Variants in FRMD1 observed in about 807,000 individuals in gnomAD.
FRMD1 encodes FERM domain-containing protein 1.
A neutral mutation model predicts 54.9 loss-of-function variants in FRMD1; 51 were observed. That is an observed-to-expected ratio of 0.93 (90% confidence interval 0.74 to 1.17). FRMD1 has a LOEUF of 1.17. Among genes scored for constraint, FRMD1 ranks in the 50% most tolerant of loss-of-function variants. The pLI, the probability that FRMD1 is intolerant of heterozygous loss-of-function variation, is 0.00. For synonymous variants in FRMD1, 324 were observed against 306.4 expected, an observed-to-expected ratio of 1.06 and a Z score of -0.60; for missense variants, 729 against 743.0, an observed-to-expected ratio of 0.98 and a Z score of 0.22.
At chr6:168,091,228 G>A (rs978826658) in intron 1 of FRMD1, among the ~76,000 whole-genome samples, 3 of 152,222 alleles carry the variant, frequency 2.0e-5, no homozygotes, top group Non-Finnish European at 4.4e-5. Flanking sequence ...AAGGAGCCCC[G>A]GGGCTGGAGA....
In FRMD1 at chr6:168,078,909, G is replaced by A; in HGVS notation, c.186C>T (p.Ser62=). 1 of 1,599,112 alleles carries A rather than the reference G, an allele frequency of 6.3e-7. No individual in the cohort carries two copies. The highest frequency in any genetic ancestry group is 1.1e-5 in the South Asian group (1 of 90,476). The change falls in exon 1 of 11, where the codon AGC becomes AGT. Residue 62 remains serine, a synonymous_variant. Transcript: ENST00000283309. ...EHRDVLVLLP[S]REQLRLAVGV... is the part of the protein sequence containing the mutation. ...CCACGGCCAGCCGCAGTTGCTCCCG[G>A]CTGGGCAGCAGCACGAGGACATCCC...
intron 2 of FRMD1, among the ~76,000 whole-genome samples, chr6:168,074,935 G>A (rs1191184846): frequency 6.6e-6 from 1 of 151,726 alleles, no homozygotes; most frequent in African/African-American, 2.4e-5. Context: ...TGTGAGTGGT[G>A]TGTAACTGCA....
chr6:168,057,089 G>C lies in FRMD1; in HGVS notation c.*8C>G. 6.8e-7 allele frequency: 1 copy of C among 1,469,090 alleles called. No individual in the cohort carries two copies. The highest frequency in any genetic ancestry group is 1.4e-5 in the African/African-American group (1 of 70,642). The allele number at this position is 1,469,090 out of a possible 1,614,324, so 91.0% of individuals were successfully genotyped here. A position where few individuals can be genotyped will look rare whatever the true frequency, so the allele number is the denominator to read the frequency against. On this transcript the variant is annotated 3_prime_UTR_variant, in exon 11 of 11. Transcript: ENST00000283309. ...GCGGTGCGGACGGTACTGCTGGGTG[G>C]GTGGTGCCTACACCACAAACTCCTG...
At chr6:168,072,441 C>G (rs936213138) in intron 2 of FRMD1, among the ~76,000 whole-genome samples, 2 of 152,228 alleles carry the variant, frequency 1.3e-5, no homozygotes, top group African/African-American at 4.8e-5. Flanking sequence ...CACAGCGACC[C>G]GCCCTGTGCA....
In FRMD1 at chr6:168,061,029, G is replaced by C; in HGVS notation, c.1074C>G (p.Ile358Met). Residue 358 changes from isoleucine (I) to methionine (M), a missense_variant, in exon 9 of 11, where the codon ATC becomes ATG. Transcript: ENST00000283309. ...EEKQHYRESYISDELELDLAS... is the reference protein window; with the variant it reads ...EEKQHYRESYMSDELELDLAS... ...CCAGGTCCAGCTCCAGCTCATCGCT[G>C]ATATAGGACTCCCGGTAGTGCTGCT... 6.2e-7 allele frequency: 1 copy of C among 1,611,902 alleles called. No homozygotes were observed. The highest frequency in any genetic ancestry group is 2.2e-5 in the East Asian group (1 of 44,822).
At position 168,091,680 on chromosome 6, in the gene FRMD1, G is replaced by T. The variant is rs148064097; in HGVS notation, c.-12+9745C>A. 3.1e-3 allele frequency among the ~76,000 whole-genome samples: 465 copies of T among 152,378 alleles called. 3 individuals are homozygous for T. Among genetic ancestry groups the T allele is most frequent in the African/African-American group, 0.011 (453 of 41,594 alleles). ...GGTGCTGCCGGCCCAGGGACCCTGA[G>T]AACACGGCCTCCGAGTGACACATGG... On this transcript the variant is annotated intron_variant, in intron 1 of 12. Coordinates refer to the FRMD1 transcript ENST00000644440.
chr6:168,062,835 G>A, intron 7 of FRMD1, 59 bp downstream of exon 7: 1 of 1,603,502 alleles, frequency 6.2e-7, no homozygotes, highest in Admixed American at 1.7e-5. Flanking sequence ...CAGTGGGGAA[G>A]GGAGGAGGGG....
At chr6:168,089,664 C>T (rs957331648) in intron 1 of FRMD1, among the ~76,000 whole-genome samples, 5 of 152,242 alleles carry the variant, frequency 3.3e-5, no homozygotes, top group Non-Finnish European at 7.3e-5. Flanking sequence ...GGGCAGGCCC[C>T]GTCTGTCCTC....
At chr6:168,071,466 G>T (rs1213172876) in intron 2 of FRMD1, among the ~76,000 whole-genome samples, 1 of 152,198 alleles carries the variant, frequency 6.6e-6, no homozygotes, top group African/African-American at 2.4e-5. Flanking sequence ...GGGCTCTGCT[G>T]GGTGGAGGTG....
At chr6:168,061,130 C>A in intron 8 of FRMD1, 73 bp from the exon 9 acceptor site, 2 of 1,458,948 alleles carry the variant, frequency 1.4e-6, no homozygotes, top group Non-Finnish European at 9.2e-7. Context: ...AGGAAGAGCC[C>A]GGGAGACAGA....
chr6:168,085,402 A>T (rs1021181995), upstream of FRMD1, among the ~76,000 whole-genome samples: 2 of 151,820 alleles, frequency 1.3e-5, no homozygotes, highest in Non-Finnish European at 2.9e-5. Flanking sequence ...TGTGGCGGGG[A>T]CATCGGAGGA....
In FRMD1 at chr6:168,073,203, C is replaced by A. The variant is rs148188519; in HGVS notation, c.304+2042G>T. ...CCCACCTCCCCACCCCCAGTCACCCCCCTGCAACACCAAGTGAAGCTGCTG... is the reference window on the plus strand; with the variant it reads ...CCCACCTCCCCACCCCCAGTCACCCACCTGCAACACCAAGTGAAGCTGCTG... On this transcript the variant is annotated intron_variant, in intron 2 of 10. Transcript: ENST00000283309. Among the ~76,000 whole-genome samples the A allele has an allele frequency of 4.7e-3, 720 of 152,258 alleles. 9 individuals carry two copies. The highest frequency in any genetic ancestry group is 0.016 in the African/African-American group (685 of 41,554).
At chr6:168,062,536 G>A (rs776518210) in intron 7 of FRMD1, 15 of 886,830 alleles carry the variant, frequency 1.7e-5, no homozygotes, top group African/African-American at 8.5e-5. Flanking sequence ...AGGCCAGGAC[G>A]GCCCTGATGC....
upstream of FRMD1, among the ~76,000 whole-genome samples, chr6:168,083,582 G>A (rs960971448): frequency 6.6e-6 from 1 of 152,220 alleles, no homozygotes; most frequent in Non-Finnish European, 1.5e-5. Flanking sequence ...ATGGGAGGAG[G>A]GCGTGAAGGG....
At chr6:168,082,406 G>A (rs1800849608), upstream of FRMD1, among the ~76,000 whole-genome samples, 1 of 152,166 alleles carries the variant, frequency 6.6e-6, no homozygotes, top group African/African-American at 2.4e-5. Flanking sequence ...GACCCCTCCT[G>A]GCTGAAATCC....
At position 168,057,283 on chromosome 6, in the gene FRMD1, G is replaced by GT. The variant is rs781211413; in HGVS notation, c.1463dup (p.Asp488GlufsTer172). ...GCAGGGCCAGCTGGTGCAGCTGCAT[G>GT]TCGTCCAGGCCATGGCTGTGCTGCT... On this transcript the variant is annotated frameshift_variant, in exon 11 of 11. Coordinates refer to ENST00000283309, the MANE Select transcript of FRMD1 (RefSeq NM_024919.6). LOFTEE classifies it low-confidence loss of function (END_TRUNC). The GT allele has an allele frequency of 1.9e-5, 31 of 1,612,438 alleles. No individual in the cohort carries two copies. Among genetic ancestry groups the GT allele is most frequent in the Non-Finnish European group, 2.5e-5 (29 of 1,179,748 alleles).
chr6:168,075,451 T>A, intron 1 of FRMD1, 116 bp from the exon 2 acceptor site: 1 of 795,618 alleles, frequency 1.3e-6, no homozygotes, highest in Admixed American at 1.9e-5. Flanking sequence ...AGGCATCCCC[T>A]GCAGGTAACA....
rs151107075 is a variant in FRMD1 at position 168,066,777 on chromosome 6, C to A, written c.439G>T (p.Val147Leu). 1.5e-5 allele frequency: 25 copies of A among 1,613,896 alleles called. No homozygotes were observed. In the Admixed American group the frequency reaches 1.8e-4, roughly 12 times the overall value. ...FVAFLRVQHY[V>L]ENGRVISDHR... The stretch of plus-strand genomic sequence containing the variant: ...TACCTTATGACCCTTCCGTTTTCCA[C>A]GTAGTGCTGCACTCGGAGGAAGGCC... The change falls in exon 4 of 11, where the codon GTG becomes TTG. Residue 147 changes from valine to leucine, a missense_variant. Transcript: ENST00000283309.
chr6:168,062,004 G>T, intron 7 of FRMD1, 23 bp from the exon 8 acceptor site: 1 of 1,574,820 alleles, frequency 6.3e-7, no homozygotes, highest in Non-Finnish European at 8.6e-7. Context: ...GAGAGAAGTT[G>T]CCACTCCACA....
Sources: gnomAD v4.1 joint callset for allele counts (sites outside exome capture counted in the v4.1 genomes callset) on GRCh38, gnomAD v4.1.1 for gene constraint, MANE v1.5 for transcripts, NCBI Gene and HGNC (gene_info 2026-07-23, HGNC 2026-07-21) for gene names.